The following MTA3 variants were observed in gnomAD, a reference collection of about 807,000 sequenced individuals.
The protein encoded by MTA3 is metastasis associated 1 family member 3, also known as metastasis-associated protein MTA3.
MTA3 carries 34 observed loss-of-function variants against 83.5 expected under a neutral mutation model. The ratio of observed to expected loss-of-function variants is 0.41; its 90% CI spans 0.31 to 0.54. The LOEUF (loss-of-function observed/expected upper bound fraction) is 0.54, where lower values mean the gene tolerates loss of function less well. Ranked by LOEUF, MTA3 falls within the 20% of genes least tolerant of loss-of-function variation. MTA3 has a pLI of 0.33. For missense variants in MTA3, 761 were observed against 726.4 expected, an observed-to-expected ratio of 1.05 and a Z score of -0.55; for synonymous variants, 303 against 252.7, an observed-to-expected ratio of 1.20 and a Z score of -1.89.
intron 4 of MTA3, among the ~76,000 whole-genome samples, chr2:42,633,346 G>A (rs1307784428): frequency 2.0e-5 from 3 of 151,884 alleles, no homozygotes; most frequent in Admixed American, 1.3e-4. Flanking sequence ...CAATTGGGGG[G>A]CCAAGGAGGA....
intron 2 of MTA3, among the ~76,000 whole-genome samples, chr2:42,576,742 G>A (rs1308839276): frequency 2.0e-5 from 3 of 150,794 alleles, no homozygotes; most frequent in African/African-American, 7.3e-5. Context: ...TACTAAAAGT[G>A]CAAAATTAGC....
At chr2:42,655,331 G>A (rs930619203) in intron 6 of MTA3, among the ~76,000 whole-genome samples, 1 of 152,112 alleles carries the variant, frequency 6.6e-6, no homozygotes, top group Admixed American at 6.6e-5. Context: ...CAGACATTAT[G>A]AGCTACTTTT....
chr2:42,753,639 A>T lies in MTA3; in HGVS notation c.*240A>T. On this transcript the variant is annotated 3_prime_UTR_variant, in exon 17 of 17. Transcript: ENST00000405094. ...CTTGTCAGAGACCTCGCTGTTACGGAGCGAGACCTGCTGAGAATTGAGGGG... is the reference window on the plus strand; with the variant it reads ...CTTGTCAGAGACCTCGCTGTTACGGTGCGAGACCTGCTGAGAATTGAGGGG... 1.5e-6 allele frequency: 2 copies of T among 1,333,332 alleles called. No individual in the cohort carries two copies. Among genetic ancestry groups the T allele is most frequent in the Non-Finnish European group, 9.6e-7 (1 of 1,037,986 alleles). The allele number at this position is 1,333,332 out of a possible 1,614,324, so 82.6% of individuals were successfully genotyped here.
chr2:42,574,521 C>T (rs1472505778), intron 2 of MTA3, among the ~76,000 whole-genome samples: 1 of 152,154 alleles, frequency 6.6e-6, no homozygotes, highest in African/African-American at 2.4e-5. Flanking sequence ...ACTGCAACCT[C>T]CTCCTCCCAG....
chr2:42,524,472 G>GTTTTTTTTTTTTTTT (rs58288129), intron 2 of MTA3, among the ~76,000 whole-genome samples: 60 of 70,674 alleles, frequency 8.5e-4, no homozygotes, highest in Non-Finnish European at 1.1e-3. Flanking sequence ...GGCTAGTTGT[G>GTTTTTTTTTTTTTTT]TTTTTTTTTT....
chr2:42,616,702 C>A (rs1481062206), intron 4 of MTA3, among the ~76,000 whole-genome samples: 1 of 150,798 alleles, frequency 6.6e-6, no homozygotes, highest in Non-Finnish European at 1.5e-5. Context: ...CCTTAGCCTC[C>A]TGCATAGCTA....
chr2:42,693,114 C>T (rs1226472503), intron 9 of MTA3, among the ~76,000 whole-genome samples: 1 of 152,190 alleles, frequency 6.6e-6, no homozygotes, highest in African/African-American at 2.4e-5. Flanking sequence ...TCCCCTCCCC[C>T]TCCTTCCTTC....
At chr2:42,626,334 G>A (rs1686090934) in intron 4 of MTA3, among the ~76,000 whole-genome samples, 2 of 151,376 alleles carry the variant, frequency 1.3e-5, no homozygotes, top group Non-Finnish European at 2.9e-5. Flanking sequence ...GTCTCACTCT[G>A]TCACCCAGGC....
chr2:42,592,344 G>A (rs1441939038), intron 3 of MTA3, among the ~76,000 whole-genome samples: 3 of 152,140 alleles, frequency 2.0e-5, no homozygotes, highest in African/African-American at 7.2e-5. Context: ...AGCACTTTGG[G>A]AGGCTGAGAT....
At chr2:42,686,785 C>T (rs1227818967) in intron 9 of MTA3, among the ~76,000 whole-genome samples, 1 of 151,806 alleles carries the variant, frequency 6.6e-6, no homozygotes, top group Non-Finnish European at 1.5e-5. Context: ...TGAGATCACG[C>T]CACTGCACTC....
intron 4 of MTA3, among the ~76,000 whole-genome samples, chr2:42,624,618 G>A (rs1484040899): frequency 3.9e-5 from 6 of 151,936 alleles, no homozygotes; most frequent in African/African-American, 1.4e-4. Flanking sequence ...GAGCCACTGT[G>A]CCCAGCCTCT....
In MTA3 at chr2:42,754,506, G is replaced by A; in HGVS notation, c.*1107G>A. On this transcript the variant is annotated 3_prime_UTR_variant, in exon 17 of 17. Coordinates refer to ENST00000405094, the MANE Select transcript of MTA3 (RefSeq NM_001330442.2). ...ACGAGCCCTTGGTGGCATCACAGTT[G>A]GCCACTCAGCTGTGCTGAGTAGCTG... The A allele has an allele frequency of 1.0e-6, 1 of 985,448 alleles. No homozygotes were observed. Among genetic ancestry groups the A allele is most frequent in the Non-Finnish European group, 1.2e-6 (1 of 830,022 alleles). 61.0% of individuals were successfully genotyped at this position (985,448 alleles called of 1,614,324 possible).
intron 3 of MTA3, among the ~76,000 whole-genome samples, chr2:42,604,345 C>G (rs990177721): frequency 7.2e-5 from 11 of 152,194 alleles, no homozygotes; most frequent in Non-Finnish European, 1.6e-4. Flanking sequence ...GCCCGGCGTC[C>G]AGTGTAACTC....
chr2:42,515,382 C>A (rs1227379165), intron 2 of MTA3, among the ~76,000 whole-genome samples: 2 of 151,992 alleles, frequency 1.3e-5, no homozygotes, highest in African/African-American at 2.4e-5. Context: ...GAGATGGCAT[C>A]TATGTTGTCC....
At chr2:42,743,185 C>A (rs937331427) in intron 16 of MTA3, among the ~76,000 whole-genome samples, 3 of 152,096 alleles carry the variant, frequency 2.0e-5, no homozygotes, top group Non-Finnish European at 4.4e-5. Context: ...CTGTCCTGAC[C>A]CTTAAGAAGA....
At chr2:42,718,574 C>T (rs1002939633) in intron 14 of MTA3, among the ~76,000 whole-genome samples, 5 of 151,632 alleles carry the variant, frequency 3.3e-5, no homozygotes, top group African/African-American at 1.2e-4. Context: ...ACCAGCCTGA[C>T]CAACATGGTG....
rs2103688472 is a variant in MTA3, at chr2:42,519,011, AC to A, written c.-141+23758del. Among the ~76,000 whole-genome samples, 3 of 144,166 alleles carry A rather than the reference AC, an allele frequency of 2.1e-5. No individual in the cohort carries two copies. The South Asian group carries it at 6.8e-4, about 33-fold the overall frequency. 94.6% of individuals were successfully genotyped at this position (144,166 alleles called of 152,430 possible). ...CACACACACACACACACACACACAC[AC>A]ACACACACACACACACACGAATATA... On this transcript the variant is annotated intron_variant, in intron 2 of 17. Coordinates refer to the MTA3 transcript ENST00000405592.
At chr2:42,651,208 G>T (rs62142746) in intron 6 of MTA3, among the ~76,000 whole-genome samples, 1 of 152,216 alleles carries the variant, frequency 6.6e-6, no homozygotes, top group African/African-American at 2.4e-5. Context: ...CACTTACTGT[G>T]AATGGAGCTT....
chr2:42,741,031 C>T (rs1668991860), intron 16 of MTA3, among the ~76,000 whole-genome samples: 1 of 152,254 alleles, frequency 6.6e-6, no homozygotes, highest in Admixed American at 6.5e-5. Context: ...GCGTAGCTGC[C>T]TTCATCAGTG....
Sources: gnomAD v4.1 joint callset for allele counts (sites outside exome capture counted in the v4.1 genomes callset) on GRCh38, gnomAD v4.1.1 for gene constraint, MANE v1.5 for transcripts, NCBI Gene and HGNC (gene_info 2026-07-23, HGNC 2026-07-21) for gene names.